The following CBLB variants were observed in gnomAD, a reference collection of about 807,000 sequenced individuals.
CBLB encodes the protein E3 ubiquitin-protein ligase CBL-B.
CBLB carries 31 observed loss-of-function variants against 104.9 expected under a neutral mutation model. The ratio of observed to expected loss-of-function variants is 0.30; its 90% CI spans 0.22 to 0.40. The LOEUF (loss-of-function observed/expected upper bound fraction) is 0.40. Ranked by LOEUF, CBLB falls within the 10% of genes least tolerant of loss-of-function variation. The pLI is 1.00. For synonymous variants in CBLB, 440 were observed against 422.6 expected, an observed-to-expected ratio of 1.04 and a Z score of -0.51; for missense variants, 1,062 against 1,214.6, an observed-to-expected ratio of 0.87 and a Z score of 1.87.
intron 3 of CBLB, among the ~76,000 whole-genome samples, chr3:105,825,016 C>T (rs74652368): frequency 6.1e-4 from 93 of 152,170 alleles, no homozygotes; most frequent in African/African-American, 2.2e-3. Flanking sequence ...TAGATTATTC[C>T]TCTTTATAGG....
intron 12 of CBLB, among the ~76,000 whole-genome samples, chr3:105,697,791 A>C (rs536440602): frequency 2.1e-4 from 32 of 152,230 alleles, no homozygotes; most frequent in Non-Finnish European, 3.7e-4. Context: ...AGTTAAAGAT[A>C]GTTTTATCAT....
At chr3:105,814,535 A>G (rs2084749743) in intron 3 of CBLB, among the ~76,000 whole-genome samples, 1 of 152,198 alleles carries the variant, frequency 6.6e-6, no homozygotes, top group South Asian at 2.1e-4. Flanking sequence ...TACTTAAGGA[A>G]TGACAAAAAG....
chr3:105,670,330 A>G lies in CBLB; in HGVS notation c.2592T>C (p.Ser864=). The G allele has an allele frequency of 6.2e-7, 1 of 1,610,432 alleles. No individual in the cohort carries two copies. The highest frequency in any genetic ancestry group is 8.5e-7 in the Non-Finnish European group (1 of 1,176,896). Reference sequence around the variant, plus strand: ...TAGCAGGAGGCAAAGGAACTTGGCCACTTGCTAGATCAACAAAGGGATCTT... The same window carrying G: ...TAGCAGGAGGCAAAGGAACTTGGCCGCTTGCTAGATCAACAAAGGGATCTT... The part of the protein sequence containing the change: ...LPSDPFVDLA[S]GQVPLPPARR... Residue 864 remains serine, a synonymous_variant, in exon 18 of 19, where the codon AGT becomes AGC. Transcript: ENST00000394030.
intron 8 of CBLB, among the ~76,000 whole-genome samples, chr3:105,735,809 G>A (rs2074865702): frequency 6.6e-6 from 1 of 152,084 alleles, no homozygotes; most frequent in Non-Finnish European, 1.5e-5. Flanking sequence ...AGCCGGAAGT[G>A]GTGGCAGGCA....
chr3:105,811,361 C>A (rs1310695385), intron 3 of CBLB, among the ~76,000 whole-genome samples: 1 of 152,182 alleles, frequency 6.6e-6, no homozygotes, highest in Non-Finnish European at 1.5e-5. Context: ...GGCTGTTGGG[C>A]AGACAGCAAT....
In CBLB at chr3:105,829,666, C is replaced by CAA. The variant is rs71627689; in HGVS notation, c.419+23746_419+23747dup. Among the ~76,000 whole-genome samples, 50 of 47,022 alleles carry CAA rather than the reference C, an allele frequency of 1.1e-3. 1 individual carries two copies. The highest frequency in any genetic ancestry group is 6.1e-3 in the East Asian group (7 of 1,140). The allele number at this position is 47,022 out of a possible 152,430, so 30.8% of individuals were successfully genotyped here. A position where few individuals can be genotyped will look rare whatever the true frequency, so the allele number is the denominator to read the frequency against. On this transcript the variant is annotated intron_variant, in intron 3 of 18. Transcript: ENST00000394030. The stretch of plus-strand genomic sequence containing the variant: ...CCAGAGCGACACAGCAAGACCGTCC[C>CAA]AAAAAAAAAAAAAAAAAAAAAAAAA...
chr3:105,737,945 T>C (rs1015536088), intron 7 of CBLB, among the ~76,000 whole-genome samples: 5 of 152,220 alleles, frequency 3.3e-5, no homozygotes, highest in Non-Finnish European at 5.9e-5. Flanking sequence ...AACTGAAATC[T>C]GAACTAAAAG....
chr3:105,670,396 T>C lies in CBLB; in HGVS notation c.2570-44A>G. ...TTTCAAATTAAAAGGATGATCTCTG[T>C]TGATTGGCTGAAGAAAAAAATTCTA... is the stretch of plus-strand genomic sequence containing the variant. On this transcript the variant is annotated intron_variant, in intron 17 of 18. Coordinates refer to ENST00000394030, the MANE Select transcript of CBLB (RefSeq NM_170662.5). 1.9e-6 allele frequency: 3 copies of C among 1,544,080 alleles called. No individual in the cohort carries two copies. The South Asian group carries it at 3.4e-5, about 18-fold the overall frequency.
intron 9 of CBLB, among the ~76,000 whole-genome samples, chr3:105,730,609 G>A (rs547359817): frequency 1.3e-5 from 2 of 152,104 alleles, no homozygotes; most frequent in South Asian, 4.1e-4. Flanking sequence ...TTTACAATAT[G>A]AACATAATGA....
chr3:105,789,732 G>T (rs1334336119), intron 3 of CBLB, among the ~76,000 whole-genome samples: 1 of 152,106 alleles, frequency 6.6e-6, no homozygotes, highest in Non-Finnish European at 1.5e-5. Flanking sequence ...TTTAAATTAT[G>T]TGTTTTCTGA....
At chr3:105,762,895 T>TCAACATCAGCCCA (rs1021930688) in intron 4 of CBLB, among the ~76,000 whole-genome samples, 6 of 152,104 alleles carry the variant, frequency 3.9e-5, no homozygotes, top group African/African-American at 1.4e-4. Context: ...AGCCAGACAC[T>TCAACATCAGCCCA]CAACATCAGC....
intron 3 of CBLB, among the ~76,000 whole-genome samples, chr3:105,782,337 A>G (rs1180925606): frequency 6.6e-6 from 1 of 152,252 alleles, no homozygotes; most frequent in African/African-American, 2.4e-5. Context: ...AAACACAGGC[A>G]GGACAATTTT....
chr3:105,792,675 C>T (rs767430539), intron 3 of CBLB, among the ~76,000 whole-genome samples: 2 of 152,108 alleles, frequency 1.3e-5, no homozygotes, highest in African/African-American at 4.8e-5. Context: ...AGAAAGAGGG[C>T]GGCTCTTTCC....
intron 3 of CBLB, among the ~76,000 whole-genome samples, chr3:105,807,258 T>C (rs1300006961): frequency 6.6e-6 from 1 of 152,176 alleles, no homozygotes; most frequent in African/African-American, 2.4e-5. Context: ...CTACTTTTCC[T>C]CAAAAAACTG....
At chr3:105,865,365 C>T (rs1282852027) in intron 2 of CBLB, among the ~76,000 whole-genome samples, 1 of 152,112 alleles carries the variant, frequency 6.6e-6, no homozygotes, top group African/African-American at 2.4e-5. Flanking sequence ...CAAATGAACA[C>T]AACCATTTTC....
chr3:105,865,264 A>G (rs1378487960), intron 2 of CBLB, among the ~76,000 whole-genome samples: 1 of 152,192 alleles, frequency 6.6e-6, no homozygotes, highest in Non-Finnish European at 1.5e-5. Context: ...ATGCCTTTCT[A>G]TTTACTGTAT....
At chr3:105,754,984 C>T (rs2076949118) in intron 4 of CBLB, among the ~76,000 whole-genome samples, 1 of 151,476 alleles carries the variant, frequency 6.6e-6, no homozygotes, top group Non-Finnish European at 1.5e-5. Context: ...CAATAGTAAT[C>T]CTCTTTAAAG....
At chr3:105,811,302 T>G (rs2084261409) in intron 3 of CBLB, among the ~76,000 whole-genome samples, 1 of 152,224 alleles carries the variant, frequency 6.6e-6, no homozygotes, top group African/African-American at 2.4e-5. Flanking sequence ...CTGGCACTAA[T>G]GCTAATGAAC....
At position 105,681,736 on chromosome 3, in the gene CBLB, T is replaced by C; in HGVS notation, c.2284A>G (p.Ile762Val). The change falls in exon 15 of 19, where the codon ATA becomes GTA. Residue 762 changes from isoleucine (I) to valine (V), a missense_variant. By Grantham distance (29) the Ile-to-Val change is conservative (BLOSUM62 3). Coordinates refer to ENST00000394030, the MANE Select transcript of CBLB (RefSeq NM_170662.5). ...ATTCTATACGTACCCTTTAAATATA[T>C]GCTTAAGTCAGGGATGTTTGATTTC... is the stretch of plus-strand genomic sequence containing the variant. Reference protein sequence around the residue: ...EKKSNIPDLSIYLKGDVFDSA... With the variant: ...EKKSNIPDLSVYLKGDVFDSA... 2 of 1,606,938 alleles carry C rather than the reference T, an allele frequency of 1.2e-6. No individual in the cohort carries two copies. Among genetic ancestry groups the C allele is most frequent in the Non-Finnish European group, 1.7e-6 (2 of 1,173,524 alleles).
Sources: gnomAD v4.1 joint callset for allele counts (sites outside exome capture counted in the v4.1 genomes callset) on GRCh38, gnomAD v4.1.1 for gene constraint, MANE v1.5 for transcripts, NCBI Gene and HGNC (gene_info 2026-07-23, HGNC 2026-07-21) for gene names.